Variants in MCC observed in about 807,000 individuals in gnomAD.
The protein encoded by MCC is MCC regulator of Wnt signaling pathway.
In MCC, 90 loss-of-function variants were observed where a neutral mutation model predicts 116.2. That is an observed-to-expected ratio of 0.77 (90% CI 0.65 to 0.92). The LOEUF is 0.92. Ranked by LOEUF, MCC falls within the 40% of genes least tolerant of loss-of-function variation. The probability of loss-of-function intolerance (pLI) is 0.00; values close to 1 mark genes in which losing one functional copy is unlikely to be tolerated. For missense variants in MCC, 1,516 were observed against 1,312.2 expected (o/e 1.16, Z -2.40); for synonymous variants, 578 against 510.5 (o/e 1.13, Z -1.78).
rs554073653 is a variant in MCC at position 113,198,461 on chromosome 5, G to A, written c.628-47039C>T. Reference sequence around the variant, plus strand: ...TGTAATCCCAGCACTTTGGGAGGTTGAGGCAGGAGAATGGCTGGAGCCCAG... The same window carrying A: ...TGTAATCCCAGCACTTTGGGAGGTTAAGGCAGGAGAATGGCTGGAGCCCAG... On this transcript the variant is annotated intron_variant, in intron 3 of 18. Transcript: ENST00000408903. 2.6e-5 allele frequency among the ~76,000 whole-genome samples: 4 copies of A among 151,990 alleles called. No individual in the cohort carries two copies. In the East Asian group the frequency reaches 7.7e-4, roughly 29 times the overall value.
At chr5:113,446,640 G>C (rs757234441) in intron 1 of MCC, among the ~76,000 whole-genome samples, 3 of 152,164 alleles carry the variant, frequency 2.0e-5, no homozygotes, top group African/African-American at 7.2e-5. Context: ...CTAATGCACT[G>C]TTAGTTCAGT....
chr5:113,083,276 C>A (rs545169820), intron 10 of MCC, among the ~76,000 whole-genome samples: 217 of 152,016 alleles, frequency 1.4e-3, no homozygotes, highest in Non-Finnish European at 2.6e-3. Context: ...GGAGATCATG[C>A]CTTCTTGGAG....
chr5:113,120,881 G>A (rs748554471), intron 6 of MCC, among the ~76,000 whole-genome samples: 7 of 152,024 alleles, frequency 4.6e-5, no homozygotes, highest in African/African-American at 9.7e-5. Flanking sequence ...AAGCACCTCC[G>A]CTCAAATACT....
At chr5:113,429,564 TTTAGCTC>T (rs1770573307) in intron 1 of MCC, among the ~76,000 whole-genome samples, 2 of 152,224 alleles carry the variant, frequency 1.3e-5, no homozygotes, top group Admixed American at 6.5e-5. Context: ...TGTTTTCCTC[TTTAGCTC>T]TGCATCACTC....
intron 6 of MCC, among the ~76,000 whole-genome samples, chr5:113,110,068 C>G (rs1287263520): frequency 4.6e-5 from 7 of 152,212 alleles, no homozygotes; most frequent in Non-Finnish European, 7.3e-5. Context: ...ATCCGCCCAC[C>G]TCAGCTCCCC....
chr5:113,339,071 A>C (rs1446888314), intron 3 of MCC, among the ~76,000 whole-genome samples: 2 of 147,790 alleles, frequency 1.4e-5, no homozygotes, highest in Middle Eastern at 3.4e-3. Flanking sequence ...AAAAAAAAAA[A>C]TACAAAAATT....
At chr5:113,353,006 C>G (rs1053202780) in intron 2 of MCC, among the ~76,000 whole-genome samples, 1 of 152,076 alleles carries the variant, frequency 6.6e-6, no homozygotes, top group Non-Finnish European at 1.5e-5. Flanking sequence ...TTTTCATATG[C>G]CTGTTCCCCA....
At chr5:113,161,457 G>A (rs1200670433) in intron 3 of MCC, among the ~76,000 whole-genome samples, 1 of 152,186 alleles carries the variant, frequency 6.6e-6, no homozygotes, top group Non-Finnish European at 1.5e-5. Context: ...CCATTCTAGA[G>A]AAACCAAGTA....
intron 3 of MCC, among the ~76,000 whole-genome samples, chr5:113,309,753 G>T (rs1220083289): frequency 6.6e-6 from 1 of 151,872 alleles, no homozygotes; most frequent in Non-Finnish European, 1.5e-5. Context: ...CCAGTATCTG[G>T]GTATTGCTGT....
At chr5:113,484,454 G>A (rs1051535081) in intron 1 of MCC, among the ~76,000 whole-genome samples, 1 of 152,126 alleles carries the variant, frequency 6.6e-6, no homozygotes, top group Non-Finnish European at 1.5e-5. Context: ...TAAGTACTGA[G>A]TACACTGTTT....
At chr5:113,255,947 G>A (rs1054695158) in intron 3 of MCC, among the ~76,000 whole-genome samples, 5 of 152,278 alleles carry the variant, frequency 3.3e-5, no homozygotes, top group South Asian at 4.1e-4. Context: ...ATCCAAAAGC[G>A]CTTATTTGAT....
chr5:113,277,954 C>A (rs1414508214), intron 3 of MCC, among the ~76,000 whole-genome samples: 1 of 152,132 alleles, frequency 6.6e-6, no homozygotes, highest in Non-Finnish European at 1.5e-5. Flanking sequence ...ACTCAGAATG[C>A]CCAAATCTAG....
chr5:113,103,974 G>A (rs776346806), intron 7 of MCC, among the ~76,000 whole-genome samples: 2 of 152,160 alleles, frequency 1.3e-5, no homozygotes, highest in Non-Finnish European at 2.9e-5. Flanking sequence ...CAAAGCCAGT[G>A]AACCTGACTG....
At position 113,384,996 on chromosome 5, in the gene MCC, G is replaced by A. The variant is rs1415713292; in HGVS notation, c.387C>T (p.Ser129=). ...CTKKLRDRIA[S]WPTSSDNSLG... ...AACTGTTGTCACTGCTCGTGGGCCA[G>A]GAAGCAATTCTATCCCTCAGCTTCT... Residue 129 remains serine (S), a synonymous_variant, in exon 2 of 19, where the codon TCC becomes TCT. Transcript: ENST00000408903. 3.1e-6 allele frequency: 5 copies of A among 1,614,086 alleles called. No individual in the cohort carries two copies. The highest frequency in any genetic ancestry group is 2.2e-5 in the East Asian group (1 of 44,882).
At chr5:113,459,369 C>T (rs578093006) in intron 1 of MCC, among the ~76,000 whole-genome samples, 9 of 151,834 alleles carry the variant, frequency 5.9e-5, no homozygotes, top group African/African-American at 1.9e-4. Context: ...AATGCTGTCT[C>T]TCCTAAAAAT....
intron 3 of MCC, among the ~76,000 whole-genome samples, chr5:113,212,148 T>C (rs1763157166): frequency 6.6e-6 from 1 of 152,212 alleles, no homozygotes. Flanking sequence ...ACTAGTTCTC[T>C]CAATAATAAC....
intron 2 of MCC, among the ~76,000 whole-genome samples, chr5:113,382,636 C>T (rs1037717659): frequency 1.3e-5 from 2 of 151,962 alleles, no homozygotes; most frequent in East Asian, 1.9e-4. Flanking sequence ...GACTTAAAAC[C>T]GGGTGGTAAT....
intron 5 of MCC, among the ~76,000 whole-genome samples, chr5:113,128,738 GGA>G (rs1361508183): frequency 1.3e-5 from 2 of 152,138 alleles, no homozygotes; most frequent in Non-Finnish European, 2.9e-5. Context: ...AGGAAAACAG[GGA>G]GAGAGAAACA....
Position 113,064,058 on chromosome 5 carries a change from G to A in MCC, c.2139C>T (p.Ser713=), listed in dbSNP as rs1753414563. The A allele has an allele frequency of 6.2e-7, 1 of 1,614,216 alleles. No homozygotes were observed. Among genetic ancestry groups the A allele is most frequent in the Non-Finnish European group, 8.5e-7 (1 of 1,180,034 alleles). The part of the protein sequence containing the change: ...AKALLMKLDG[S]CGGAFAVAGC... ...CGGCCACGGCAAAGGCTCCCCCACA[G>A]CTGCCGTCCAGCTTCATGAGCAGGG... The change falls in exon 14 of 19, where the codon AGC becomes AGT. Residue 713 remains serine (S), a synonymous_variant. Coordinates refer to ENST00000408903, the MANE Select transcript of MCC (RefSeq NM_001085377.2).
Sources: allele counts gnomAD v4.1 joint callset (sites outside exome capture counted in the v4.1 genomes callset), GRCh38; gene constraint gnomAD v4.1.1; transcripts MANE v1.5; gene names NCBI Gene and HGNC (gene_info 2026-07-23, HGNC 2026-07-21).